MFHAS1: variants seen among roughly 807,000 people sequenced by gnomAD.
MFHAS1 encodes malignant fibrous histiocytoma-amplified sequence 1.
In MFHAS1, 50 loss-of-function variants were observed where a neutral mutation model predicts 70.4. The observed-to-expected ratio is 0.71, with a 90% CI of 0.57 to 0.90. The LOEUF (loss-of-function observed/expected upper bound fraction) is 0.90, where lower values mean the gene tolerates loss of function less well. Ranked by LOEUF, MFHAS1 falls within the 40% of genes least tolerant of loss-of-function variation. The probability of loss-of-function intolerance (pLI) is 0.00; values close to 1 mark genes in which losing one functional copy is unlikely to be tolerated. For synonymous variants in MFHAS1, 952 were observed against 620.0 expected (o/e 1.54, Z -7.96); for missense variants, 1,795 against 1,347.6 (o/e 1.33, Z -5.20).
chr8:8,787,120 G>A (rs1478329518), intron 2 of MFHAS1, among the ~76,000 whole-genome samples: 23 of 145,492 alleles, frequency 1.6e-4, no homozygotes, highest in Admixed American at 7.0e-4. Context: ...TCGCTCTGTT[G>A]CCCAGGCTGG....
In MFHAS1 at chr8:8,890,449, T is replaced by C. The variant is rs1326715825; in HGVS notation, c.2610A>G (p.Leu870=). 6.2e-7 allele frequency: 1 copy of C among 1,613,952 alleles called. No individual in the cohort carries two copies. The highest frequency in any genetic ancestry group is 1.7e-5 in the Admixed American group (1 of 60,022). ...GCTCAGCCACAAAAGACTGCCCAGC[T>C]AGGTTGGTCCCATTAATCCAGGCTT... The part of the protein sequence containing the change: ...HAEAWINGTN[L]AGQSFVAEQL... The change falls in exon 1 of 3, where the codon CTA becomes CTG. Residue 870 remains leucine (L), a synonymous_variant. Transcript: ENST00000276282.
At chr8:8,820,248 C>T (rs963938855) in intron 1 of MFHAS1, among the ~76,000 whole-genome samples, 2 of 151,950 alleles carry the variant, frequency 1.3e-5, no homozygotes, top group Non-Finnish European at 2.9e-5. Context: ...CTATGCTCCC[C>T]CTTCCCAAGT....
At chr8:8,864,385 C>G (rs913556252) in intron 1 of MFHAS1, among the ~76,000 whole-genome samples, 1 of 152,366 alleles carries the variant, frequency 6.6e-6, no homozygotes, top group Admixed American at 6.5e-5. Context: ...GACTCCTCCT[C>G]CTCTTTGCCC....
chr8:8,797,033 A>G (rs978704335), intron 2 of MFHAS1, among the ~76,000 whole-genome samples: 8 of 152,140 alleles, frequency 5.3e-5, no homozygotes, highest in Admixed American at 6.5e-5. Context: ...TTTTGGTTCC[A>G]TATACCTGCA....
chr8:8,878,083 C>A (rs888397558), intron 1 of MFHAS1, among the ~76,000 whole-genome samples: 2 of 151,532 alleles, frequency 1.3e-5, no homozygotes, highest in African/African-American at 4.8e-5. Context: ...GAACCCTTCT[C>A]TGAGACCCCT....
intron 1 of MFHAS1, among the ~76,000 whole-genome samples, chr8:8,831,912 G>A (rs1028403981): frequency 2.0e-5 from 3 of 152,084 alleles, no homozygotes; most frequent in African/African-American, 4.8e-5. Context: ...GCCCCCAGCC[G>A]TCAATTGATT....
At chr8:8,809,596 T>C (rs989064730) in intron 1 of MFHAS1, among the ~76,000 whole-genome samples, 4 of 152,226 alleles carry the variant, frequency 2.6e-5, no homozygotes, top group African/African-American at 9.6e-5. Flanking sequence ...TAAGGGTTTA[T>C]ATAAATACAA....
intron 1 of MFHAS1, among the ~76,000 whole-genome samples, chr8:8,846,746 C>G (rs1808052634): frequency 6.6e-6 from 1 of 152,094 alleles, no homozygotes; most frequent in South Asian, 2.1e-4. Flanking sequence ...TGCTCATTCC[C>G]TTACTTCATT....
intron 1 of MFHAS1, among the ~76,000 whole-genome samples, chr8:8,870,336 G>A (rs1011105596): frequency 4.0e-5 from 6 of 149,932 alleles, no homozygotes; most frequent in Middle Eastern, 3.5e-3. Flanking sequence ...ATGGTGGCAC[G>A]CACCTACAGT....
Position 8,890,657 on chromosome 8 carries a change from T to C in MFHAS1, c.2402A>G (p.His801Arg), listed in dbSNP as rs1472897237. 1.2e-6 allele frequency: 2 copies of C among 1,613,544 alleles called. No homozygotes were observed. The highest frequency in any genetic ancestry group is 1.7e-6 in the Non-Finnish European group (2 of 1,179,636). ...GFLLHGLLPA[H>R]VIRLLLKPHV... ...AGGCTTAAGCAGCAACCGAATGACA[T>C]GAGCTGGCAAGAGCCCATGCAACAG... The change falls in exon 1 of 3, where the codon CAT (histidine) becomes CGT (arginine). Residue 801 changes from histidine (H) to arginine (R), a missense_variant. His to Arg is a conservative substitution (Grantham distance 29). Transcript: ENST00000276282.
intron 1 of MFHAS1, among the ~76,000 whole-genome samples, chr8:8,811,365 T>G (rs1239892017): frequency 6.6e-6 from 1 of 151,946 alleles, no homozygotes; most frequent in African/African-American, 2.4e-5. Flanking sequence ...TGGAGTACAG[T>G]GGCGCAATCA....
intron 1 of MFHAS1, among the ~76,000 whole-genome samples, chr8:8,811,673 G>C (rs965192280): frequency 1.3e-5 from 2 of 152,240 alleles, no homozygotes; most frequent in African/African-American, 4.8e-5. Flanking sequence ...CTCCACAAGA[G>C]TGGGATTTTC....
intron 1 of MFHAS1, among the ~76,000 whole-genome samples, chr8:8,839,973 G>C (rs1340922648): frequency 6.6e-6 from 1 of 152,094 alleles, no homozygotes; most frequent in Non-Finnish European, 1.5e-5. Context: ...AAACCCACTA[G>C]TATTTGAATG....
chr8:8,883,278 A>T (rs1254348890), intron 1 of MFHAS1, among the ~76,000 whole-genome samples: 2 of 152,250 alleles, frequency 1.3e-5, no homozygotes, highest in Non-Finnish European at 2.9e-5. Context: ...GGGAACAGGG[A>T]CGCCAAGGCT....
chr8:8,816,065 C>T (rs942617115), intron 1 of MFHAS1, among the ~76,000 whole-genome samples: 6 of 152,082 alleles, frequency 3.9e-5, no homozygotes, highest in Non-Finnish European at 7.4e-5. Flanking sequence ...AAACAGAGTG[C>T]ATAGTGGATG....
Position 8,893,119 on chromosome 8 carries a change from C to T in MFHAS1, c.-61G>A, listed in dbSNP as rs1463681755. 2.4e-6 allele frequency: 3 copies of T among 1,265,714 alleles called. No individual in the cohort carries two copies. The highest frequency in any genetic ancestry group is 3.1e-6 in the Non-Finnish European group (3 of 975,594). 78.4% of individuals were successfully genotyped at this position (1,265,714 alleles called of 1,614,324 possible). ...GGGAGCCCGCAGCTACATGCCGCGC[C>T]GCGCCCCGGGCCCTCCGGCTCCTGC... On this transcript the variant is annotated 5_prime_UTR_variant, in exon 1 of 3. Transcript: ENST00000276282.
chr8:8,814,213 C>T (rs553660526), intron 1 of MFHAS1, among the ~76,000 whole-genome samples: 1 of 152,222 alleles, frequency 6.6e-6, no homozygotes, highest in African/African-American at 2.4e-5. Flanking sequence ...GCTGGAATTA[C>T]AGGCATGAGC....
rs150332195 is a variant in MFHAS1 at position 8,890,744 on chromosome 8, C to A, written c.2315G>T (p.Arg772Leu). ...AEGESSPPMA[R>L]STPSQELLRA... ...GAGCAGTTCCTGGCTGGGGGTGGAC[C>A]GCGCCATGGGCGGGGAGCTTTCCCC... is the stretch of plus-strand genomic sequence containing the variant. The change falls in exon 1 of 3, where the codon CGG (arginine) becomes CTG (leucine). Residue 772 changes from arginine to leucine, a missense_variant. Arg to Leu is a moderately radical substitution (Grantham distance 102). Transcript: ENST00000276282. 1.2e-6 allele frequency: 2 copies of A among 1,613,462 alleles called. No individual in the cohort carries two copies. The highest frequency in any genetic ancestry group is 1.3e-5 in the African/African-American group (1 of 74,934).
At chr8:8,856,970 T>A (rs1808465592) in intron 1 of MFHAS1, among the ~76,000 whole-genome samples, 1 of 90,250 alleles carries the variant, frequency 1.1e-5, no homozygotes, top group Admixed American at 1.8e-4. Flanking sequence ...CACTTTCACA[T>A]CAGGAAAGTG....
Sources: allele counts gnomAD v4.1 joint callset (sites outside exome capture counted in the v4.1 genomes callset), GRCh38; gene constraint gnomAD v4.1.1; transcripts MANE v1.5; gene names NCBI Gene and HGNC (gene_info 2026-07-23, HGNC 2026-07-21).